KDM5B: variants seen among roughly 807,000 people sequenced by gnomAD.
KDM5B encodes the protein lysine demethylase 5B.
KDM5B carries 144 observed loss-of-function variants against 193.4 expected under a neutral mutation model. That is an observed-to-expected ratio of 0.74 (90% CI 0.65 to 0.86). The LOEUF is 0.86. Ranked by LOEUF, KDM5B falls within the 40% of genes least tolerant of loss-of-function variation. KDM5B has a pLI of 0.00. For missense variants in KDM5B, 1,833 were observed against 1,886.9 expected (o/e 0.97, Z 0.53); for synonymous variants, 668 against 682.6 (o/e 0.98, Z 0.33).
In KDM5B at chr1:202,762,724, C is replaced by T. The variant is rs1260100410; in HGVS notation, c.893G>A (p.Ser298Asn). The change falls in exon 7 of 27, where the codon AGT becomes AAT. Residue 298 changes from serine (S) to asparagine (N), a missense_variant. By Grantham distance (46) the Ser-to-Asn change is conservative (BLOSUM62 1). Coordinates refer to ENST00000367265, the MANE Select transcript of KDM5B (RefSeq NM_006618.5). ...IVENEKEKPK[S>N]RSKKATNAVD... ...AGCATTGGTGGCTTTTTTAGATCGACTCTTGGGCTTTTCCTTCTCATTTTC... is the reference window on the plus strand; with the variant it reads ...AGCATTGGTGGCTTTTTTAGATCGATTCTTGGGCTTTTCCTTCTCATTTTC... 1.9e-6 allele frequency: 3 copies of T among 1,606,768 alleles called. No homozygotes were observed. The highest frequency in any genetic ancestry group is 3.3e-5 in the Admixed American group (2 of 60,020).
chr1:202,771,209 T>C (rs1656697810), intron 4 of KDM5B, among the ~76,000 whole-genome samples: 1 of 152,144 alleles, frequency 6.6e-6, no homozygotes, highest in Non-Finnish European at 1.5e-5. Flanking sequence ...CTATTTTTTA[T>C]TTTTTATGTT....
At chr1:202,778,195 T>C (rs1302609895) in intron 1 of KDM5B, among the ~76,000 whole-genome samples, 1 of 151,996 alleles carries the variant, frequency 6.6e-6, no homozygotes, top group Non-Finnish European at 1.5e-5. Flanking sequence ...AAATTTGTCC[T>C]TAATATGTAT....
At chr1:202,736,765 C>T (rs1465842919) in intron 20 of KDM5B, among the ~76,000 whole-genome samples, 1 of 152,210 alleles carries the variant, frequency 6.6e-6, no homozygotes, top group East Asian at 1.9e-4. Flanking sequence ...CCTCAGCCTC[C>T]CGGGTAGCTG....
chr1:202,741,962 G>A (rs1368535574), intron 18 of KDM5B, among the ~76,000 whole-genome samples: 2 of 143,594 alleles, frequency 1.4e-5, no homozygotes, highest in Non-Finnish European at 3.0e-5. Flanking sequence ...TGCAACCTCC[G>A]CCTCTTGGGT....
At chr1:202,748,381 C>T (rs760399052) in intron 14 of KDM5B, among the ~76,000 whole-genome samples, 12 of 152,052 alleles carry the variant, frequency 7.9e-5, no homozygotes, top group East Asian at 1.9e-4. Context: ...ACATGATTCA[C>T]ACAAGAAAAT....
Position 202,758,528 on chromosome 1 carries a change from T to C in KDM5B, c.1078-18A>G. ...CTACATTCCTGAAAATAAAGAAAAT[T>C]ACGTTCTAGGTGACACTGAAAACAT... On this transcript the variant is annotated intron_variant, in intron 8 of 26. Coordinates refer to ENST00000367265, the MANE Select transcript of KDM5B (RefSeq NM_006618.5). The C allele has an allele frequency of 6.3e-7, 1 of 1,592,326 alleles. No individual in the cohort carries two copies. Among genetic ancestry groups the C allele is most frequent in the Non-Finnish European group, 8.6e-7 (1 of 1,164,062 alleles).
intron 12 of KDM5B, among the ~76,000 whole-genome samples, chr1:202,751,574 G>A (rs1221799790): frequency 6.6e-6 from 1 of 152,068 alleles, no homozygotes; most frequent in Admixed American, 6.6e-5. Flanking sequence ...TGCCAAACAT[G>A]TGATAATTTA....
At chr1:202,756,794 T>C (rs1161662149) in intron 9 of KDM5B, among the ~76,000 whole-genome samples, 1 of 152,198 alleles carries the variant, frequency 6.6e-6, no homozygotes, top group South Asian at 2.1e-4. Flanking sequence ...ATAAACTGTA[T>C]AGTAATAATG....
intron 4 of KDM5B, 90 bp from the exon 5 acceptor site, chr1:202,767,150 T>G: frequency 6.3e-7 from 1 of 1,587,552 alleles, no homozygotes; most frequent in Middle Eastern, 1.8e-4. Context: ...GCCACATGAG[T>G]TCGAGTTTGA....
At chr1:202,746,350 C>A (rs781392228) in intron 14 of KDM5B, 27 bp from the exon 15 acceptor site, 2 of 1,487,592 alleles carry the variant, frequency 1.3e-6, no homozygotes, top group Non-Finnish European at 9.2e-7. Flanking sequence ...TTTAGAGAGA[C>A]CTCCAAAGGA....
At chr1:202,799,020 C>T (rs529381682) in intron 1 of KDM5B, among the ~76,000 whole-genome samples, 8 of 151,908 alleles carry the variant, frequency 5.3e-5, no homozygotes, top group Admixed American at 1.3e-4. Flanking sequence ...ACTCTGTCCC[C>T]GGGGGACAAG....
intron 4 of KDM5B, among the ~76,000 whole-genome samples, chr1:202,768,704 A>G (rs1468271236): frequency 6.7e-6 from 1 of 150,344 alleles, no homozygotes; most frequent in Non-Finnish European, 1.5e-5. Context: ...TTGATCCAGA[A>G]AAGTTAACTA....
chr1:202,796,139 G>T, intron 1 of KDM5B: 1 of 207,258 alleles, frequency 4.8e-6, no homozygotes, highest in Admixed American at 5.7e-5. Context: ...ATGGTGGAAG[G>T]TCCATTTGCA....
chr1:202,763,429 G>A (rs1656329495), intron 6 of KDM5B, among the ~76,000 whole-genome samples: 1 of 152,228 alleles, frequency 6.6e-6, no homozygotes, highest in East Asian at 1.9e-4. Context: ...GTTAGCGGTT[G>A]TGCCAAGATT....
chr1:202,750,814 T>TA (rs780962471), intron 12 of KDM5B, 36 bp from the exon 13 acceptor site: 2 of 1,600,062 alleles, frequency 1.2e-6, no homozygotes, highest in Admixed American at 3.4e-5. Context: ...TTGAGTTTCT[T>TA]AAAGAGTGAC....
chr1:202,739,568 C>A lies in KDM5B; in HGVS notation c.3084+1106G>T, dbSNP rs900457272. ...AGGACAATAGTGGAGGGAACGTCAG[C>A]AGATAAACAAGTGAACAAAGGTCTC... On this transcript the variant is annotated intron_variant, in intron 20 of 26. Transcript: ENST00000367265. 1.4e-4 allele frequency among the ~76,000 whole-genome samples: 21 copies of A among 151,714 alleles called. 1 individual carries two copies. Among genetic ancestry groups the A allele is most frequent in the African/African-American group, 5.1e-4 (21 of 41,266 alleles).
intron 1 of KDM5B, among the ~76,000 whole-genome samples, chr1:202,804,734 G>GC (rs1446518937): frequency 6.6e-6 from 1 of 152,084 alleles, no homozygotes; most frequent in East Asian, 1.9e-4. Context: ...TCTAGGCCCG[G>GC]CACGGTGGCT....
At position 202,730,044 on chromosome 1, in the gene KDM5B, A is replaced by G. The variant is rs1415433262; in HGVS notation, c.4177-17T>C. 15 of 1,587,936 alleles carry G rather than the reference A, an allele frequency of 9.4e-6. No homozygotes were observed. The highest frequency in any genetic ancestry group is 1.3e-5 in the Non-Finnish European group (15 of 1,168,398). ...ACAGTCATTCTGGGTGGAAGATAGG[A>G]AAGTTCAATTTTCGCCTATGGGTCA... On this transcript the variant is annotated splice_polypyrimidine_tract_variant and intron_variant, in intron 25 of 26. Coordinates refer to ENST00000367265, the MANE Select transcript of KDM5B (RefSeq NM_006618.5).
In KDM5B at chr1:202,729,083, A is replaced by C; in HGVS notation, c.4588T>G (p.Tyr1530Asp). 2 of 1,614,162 alleles carry C rather than the reference A, an allele frequency of 1.2e-6. No homozygotes were observed. Among genetic ancestry groups the C allele is most frequent in the Non-Finnish European group, 1.7e-6 (2 of 1,180,006 alleles). ...TTCACAGTACAGCGCACACAGATGT[A>C]GTCTTCTTTCTCTGCCATCTCTGGG... ...VSPEMAEKED[Y>D]ICVRCTVKDA... Residue 1530 changes from tyrosine (Y) to aspartate (D), a missense_variant, in exon 27 of 27, where the codon TAC (tyrosine) becomes GAC (aspartate). Transcript: ENST00000367265.
Sources: gnomAD v4.1 joint callset for allele counts (sites outside exome capture counted in the v4.1 genomes callset) on GRCh38, gnomAD v4.1.1 for gene constraint, MANE v1.5 for transcripts, NCBI Gene and HGNC (gene_info 2026-07-23, HGNC 2026-07-21) for gene names.